KAZN: variants seen among roughly 807,000 people sequenced by gnomAD.
KAZN encodes the protein kazrin, periplakin interacting protein.
In KAZN, 40 loss-of-function variants were observed where a neutral mutation model predicts 87.4. The ratio of observed to expected loss-of-function variants is 0.46; its 90% CI spans 0.36 to 0.60. The LOEUF (loss-of-function observed/expected upper bound fraction) is 0.60, where lower values mean the gene tolerates loss of function less well. Ranked by LOEUF, KAZN falls within the 20% of genes least tolerant of loss-of-function variation. The pLI, the probability that KAZN is intolerant of heterozygous loss-of-function variation, is 0.00. For missense variants in KAZN, 898 were observed against 1,073.9 expected, an observed-to-expected ratio of 0.84 and a Z score of 2.29; for synonymous variants, 466 against 458.3, an observed-to-expected ratio of 1.02 and a Z score of -0.22.
chr1:14,624,845 T>C (rs1460573029), intron 1 of KAZN, among the ~76,000 whole-genome samples: 6 of 152,116 alleles, frequency 3.9e-5, no homozygotes, highest in Admixed American at 2.0e-4. Flanking sequence ...ATATTATAAT[T>C]TGAGTTGGGT....
chr1:15,020,873 G>A (rs1048965615), intron 2 of KAZN, among the ~76,000 whole-genome samples: 5 of 152,086 alleles, frequency 3.3e-5, no homozygotes, highest in Admixed American at 2.6e-4. Flanking sequence ...TCTAAGGAGC[G>A]GCAGAGCTGG....
In KAZN at chr1:14,977,956, C is replaced by T. The variant is rs142005908; in HGVS notation, c.418+17081C>T. On this transcript the variant is annotated intron_variant, in intron 2 of 14. Coordinates refer to ENST00000376030, the MANE Select transcript of KAZN (RefSeq NM_201628.3). ...TTGCCCAGGCTGGAGTGCAATGGCA[C>T]GATCTCGGCTCACTGCACCTCCATC... 5.3e-3 allele frequency among the ~76,000 whole-genome samples: 757 copies of T among 143,836 alleles called. 10 individuals are homozygous for T. Among genetic ancestry groups the T allele is most frequent in the African/African-American group, 0.019 (713 of 37,652 alleles). The allele number at this position is 143,836 out of a possible 152,430, so 94.4% of individuals were successfully genotyped here. A position where few individuals can be genotyped will look rare whatever the true frequency, so the allele number is the denominator to read the frequency against.
intron 2 of KAZN, among the ~76,000 whole-genome samples, chr1:14,469,676 G>C (rs942299074): frequency 9.2e-5 from 14 of 152,198 alleles, no homozygotes; most frequent in Non-Finnish European, 2.1e-4. Flanking sequence ...CAGGAAGGCA[G>C]ATGGTAGGTA....
At chr1:14,910,952 G>A (rs565014215) in intron 1 of KAZN, among the ~76,000 whole-genome samples, 92 of 152,334 alleles carry the variant, frequency 6.0e-4, no homozygotes, top group African/African-American at 2.1e-3. Flanking sequence ...CTGGCTGCAA[G>A]TTTTGCAACC....
In KAZN at chr1:13,900,087, A is replaced by C. The variant is rs138575521; in HGVS notation, c.91+6331A>C. On this transcript the variant is annotated intron_variant, in intron 1 of 16. Transcript: ENST00000636203. ...AGCATGATGAAATGGTGTTAGTGGAATCTGGCAAAGCAAAATTGCGGTTAT... is the reference window on the plus strand; with the variant it reads ...AGCATGATGAAATGGTGTTAGTGGACTCTGGCAAAGCAAAATTGCGGTTAT... 2.6e-3 allele frequency among the ~76,000 whole-genome samples: 396 copies of C among 152,278 alleles called. 3 individuals are homozygous for C. The highest frequency in any genetic ancestry group is 9.1e-3 in the African/African-American group (377 of 41,560).
chr1:14,427,271 C>T (rs1665785672), intron 2 of KAZN, among the ~76,000 whole-genome samples: 1 of 152,218 alleles, frequency 6.6e-6, no homozygotes, highest in African/African-American at 2.4e-5. Context: ...ATGATATGAC[C>T]ACAAGCAAGT....
At position 14,089,750 on chromosome 1, in the gene KAZN, T is replaced by C. The variant is rs150960426; in HGVS notation, c.92-90685T>C. On this transcript the variant is annotated intron_variant, in intron 1 of 16. Transcript: ENST00000636203. The stretch of plus-strand genomic sequence containing the variant: ...GTGCTCTTTTATTCCGCTACATGAT[T>C]GACCTAGTCTTATTTTCTTTCTGAC... Among the ~76,000 whole-genome samples, 996 of 152,318 alleles carry C rather than the reference T, an allele frequency of 6.5e-3. 10 individuals carry two copies. In the South Asian group the frequency reaches 0.066, roughly 10 times the overall value.
chr1:14,376,063 T>A (rs927657098), intron 2 of KAZN, among the ~76,000 whole-genome samples: 5 of 152,088 alleles, frequency 3.3e-5, no homozygotes, highest in African/African-American at 1.2e-4. Context: ...ATAAGTCTGA[T>A]GCAAGCAACA....
chr1:14,764,452 G>A (rs536023580), intron 1 of KAZN, among the ~76,000 whole-genome samples: 6 of 140,890 alleles, frequency 4.3e-5, no homozygotes, highest in Non-Finnish European at 7.5e-5. Context: ...CATGATATAC[G>A]ATTTACTGAT....
At chr1:15,045,952 C>T (rs1419620376) in intron 4 of KAZN, among the ~76,000 whole-genome samples, 1 of 152,166 alleles carries the variant, frequency 6.6e-6, no homozygotes, top group Non-Finnish European at 1.5e-5. Context: ...GACCCAGAGC[C>T]AACCATATCA....
chr1:14,690,192 C>T (rs930476269), intron 1 of KAZN, among the ~76,000 whole-genome samples: 1 of 152,192 alleles, frequency 6.6e-6, no homozygotes, highest in African/African-American at 2.4e-5. Flanking sequence ...CATCATGAAT[C>T]ATGCATCTGC....
chr1:14,575,655 C>G (rs1344934418), intron 2 of KAZN, among the ~76,000 whole-genome samples: 3 of 152,156 alleles, frequency 2.0e-5, no homozygotes, highest in African/African-American at 7.2e-5. Flanking sequence ...AGCACTTGAA[C>G]TAGGTCAGTG....
At chr1:14,485,625 T>C (rs1669309372) in intron 2 of KAZN, among the ~76,000 whole-genome samples, 1 of 152,170 alleles carries the variant, frequency 6.6e-6, no homozygotes, top group African/African-American at 2.4e-5. Context: ...ACCTGCGTGG[T>C]GGCTCACACC....
At chr1:14,592,772 G>A (rs541018246) in intron 2 of KAZN, among the ~76,000 whole-genome samples, 1 of 152,310 alleles carries the variant, frequency 6.6e-6, no homozygotes, top group African/African-American at 2.4e-5. Context: ...TGACTCCAGG[G>A]TCAAGAAGTT....
chr1:15,028,378 G>C (rs1057373313), intron 2 of KAZN, among the ~76,000 whole-genome samples: 2 of 152,224 alleles, frequency 1.3e-5, no homozygotes, highest in African/African-American at 4.8e-5. Context: ...AGAGCGCTGG[G>C]GAGCTAGGAG....
At chr1:14,389,622 C>G (rs1042872578) in intron 2 of KAZN, among the ~76,000 whole-genome samples, 1 of 152,128 alleles carries the variant, frequency 6.6e-6, no homozygotes, top group African/African-American at 2.4e-5. Flanking sequence ...TTCACATATT[C>G]TCACTTACTT....
chr1:14,344,885 AAC>A (rs1259409217), intron 2 of KAZN, among the ~76,000 whole-genome samples: 1 of 151,764 alleles, frequency 6.6e-6, no homozygotes, highest in Non-Finnish European at 1.5e-5. Context: ...TCAGGGACTC[AAC>A]ACAAACACAC....
At chr1:14,271,722 A>C (rs1002667583) in intron 2 of KAZN, among the ~76,000 whole-genome samples, 1 of 152,166 alleles carries the variant, frequency 6.6e-6, no homozygotes, top group Non-Finnish European at 1.5e-5. Flanking sequence ...TCTAATTCTC[A>C]AGATAGAGAA....
At position 14,340,101 on chromosome 1, in the gene KAZN, G is replaced by A. The variant is rs200846311; in HGVS notation, c.249+159509G>A. The stretch of plus-strand genomic sequence containing the variant: ...TATGGAATATGTAGCTTATAAAATC[G>A]GGGAACAGAGTGAAGGGTCTTCCAT... On this transcript the variant is annotated intron_variant, in intron 2 of 16. Coordinates refer to the KAZN transcript ENST00000636203. Among the ~76,000 whole-genome samples, 4 of 106,800 alleles carry A rather than the reference G, an allele frequency of 3.7e-5. No homozygotes were observed. In the East Asian group the frequency reaches 1.1e-3, roughly 30 times the overall value. 70.1% of individuals were successfully genotyped at this position (106,800 alleles called of 152,430 possible).
Sources: gnomAD v4.1 joint callset for allele counts (sites outside exome capture counted in the v4.1 genomes callset) on GRCh38, gnomAD v4.1.1 for gene constraint, MANE v1.5 for transcripts, NCBI Gene and HGNC (gene_info 2026-07-23, HGNC 2026-07-21) for gene names.